ABLIM2: variants seen among roughly 807,000 people sequenced by gnomAD.
The protein encoded by ABLIM2 is actin-binding LIM protein 2.
A neutral mutation model predicts 97.7 loss-of-function variants in ABLIM2; 53 were observed. The observed-to-expected ratio is 0.54, with a 90% CI of 0.44 to 0.68. The LOEUF (loss-of-function observed/expected upper bound fraction) is 0.68. ABLIM2 is among the 30% of genes least tolerant of loss of function. The probability of loss-of-function intolerance (pLI) is 0.00; values close to 1 mark genes in which losing one functional copy is unlikely to be tolerated. For missense variants in ABLIM2, 835 were observed against 867.2 expected, an observed-to-expected ratio of 0.96 and a Z score of 0.47; for synonymous variants, 361 against 345.8, an observed-to-expected ratio of 1.04 and a Z score of -0.49.
chr4:8,000,188 G>A (rs1756131694), intron 16 of ABLIM2, among the ~76,000 whole-genome samples: 1 of 152,130 alleles, frequency 6.6e-6, no homozygotes, highest in Non-Finnish European at 1.5e-5. Flanking sequence ...GTGAATGAGA[G>A]GCCCCTTGGC....
rs1234403313 is a variant in ABLIM2 at position 8,054,306 on chromosome 4, G to C, written c.764-60C>G. On this transcript the variant is annotated intron_variant, in intron 7 of 20. Transcript: ENST00000447017. This position sits in a 1 kb window ranked among gnomAD's most constrained non-coding sequence, Gnocchi z 4.9. ...GTTATTTCCCATGTTGCAGGGGCCT[G>C]TGTGGAAACGCAGAGGAGGGAGCTG... 3 of 1,571,846 alleles carry C rather than the reference G, an allele frequency of 1.9e-6. No individual in the cohort carries two copies. Among genetic ancestry groups the C allele is most frequent in the African/African-American group, 2.7e-5 (2 of 74,008 alleles).
chr4:7,979,004 T>G (rs1735906726), intron 20 of ABLIM2, among the ~76,000 whole-genome samples: 1 of 152,132 alleles, frequency 6.6e-6, no homozygotes, highest in Non-Finnish European at 1.5e-5. Flanking sequence ...ATTCACAGCC[T>G]CACCTGCACA....
At chr4:8,154,882 G>A (rs894199751) in intron 1 of ABLIM2, among the ~76,000 whole-genome samples, 25 of 152,214 alleles carry the variant, frequency 1.6e-4, no homozygotes, top group Admixed American at 6.5e-4. Flanking sequence ...GGGAGGCCTC[G>A]CAATCATGGC....
chr4:8,007,916 C>A, intron 16 of ABLIM2, 143 bp downstream of exon 16: 1 of 1,467,734 alleles, frequency 6.8e-7, no homozygotes. Context: ...TCCTTCCGGT[C>A]GGTCCTTAGA....
At chr4:8,063,351 C>A (rs140774419) in intron 6 of ABLIM2, among the ~76,000 whole-genome samples, 1 of 152,262 alleles carries the variant, frequency 6.6e-6, no homozygotes, top group Admixed American at 6.5e-5. Context: ...AGGCGTGAGC[C>A]ACCGTGTCCA....
At chr4:7,975,200 A>C (rs1159329500) in intron 20 of ABLIM2, among the ~76,000 whole-genome samples, 1 of 152,218 alleles carries the variant, frequency 6.6e-6, no homozygotes, top group Non-Finnish European at 1.5e-5. Flanking sequence ...CCTAGGTGAC[A>C]GAGTGAGACC....
rs1346390172 is a variant in ABLIM2, at chr4:7,992,291, GA to G, written c.1680+574del. On this transcript the variant is annotated intron_variant, in intron 17 of 20. Transcript: ENST00000447017. This position sits in a 1 kb window ranked among gnomAD's most constrained non-coding sequence, Gnocchi z 5.7. Reference sequence around the variant, plus strand: ...TCATATTCAGATGTCCCAAGCATCAGAAAACTCAGGGTAGGAGGTGGCACCA... The same window carrying G: ...TCATATTCAGATGTCCCAAGCATCAGAAACTCAGGGTAGGAGGTGGCACCA... 1.3e-5 allele frequency among the ~76,000 whole-genome samples: 2 copies of G among 152,204 alleles called. No homozygotes were observed. Among genetic ancestry groups the G allele is most frequent in the Admixed American group, 1.3e-4 (2 of 15,284 alleles).
At chr4:8,050,713 C>T (rs1470373786) in intron 8 of ABLIM2, among the ~76,000 whole-genome samples, 1 of 151,222 alleles carries the variant, frequency 6.6e-6, no homozygotes, top group Non-Finnish European at 1.5e-5. Context: ...CTCCCTCCCA[C>T]CCCCAGGCCA....
At chr4:8,060,098 C>T (rs985210446) in intron 7 of ABLIM2, among the ~76,000 whole-genome samples, 4 of 152,106 alleles carry the variant, frequency 2.6e-5, no homozygotes, top group Non-Finnish European at 5.9e-5. Flanking sequence ...CAACTAAGAC[C>T]TATAAAAGGT....
Position 7,995,003 on chromosome 4 carries a change from A to C in ABLIM2, c.1619-2076T>G, listed in dbSNP as rs1752253684. The stretch of plus-strand genomic sequence containing the variant: ...AGAAAAAAACAAACAACCCCATCAA[A>C]AAGTGGGCGAAGGACATGAACAGAC... On this transcript the variant is annotated intron_variant, in intron 16 of 20. Transcript: ENST00000447017. 3.5e-5 allele frequency among the ~76,000 whole-genome samples: 4 copies of C among 113,440 alleles called. 1 individual carries two copies. In the South Asian group the frequency reaches 1.3e-3, roughly 38 times the overall value. 74.4% of individuals were successfully genotyped at this position (113,440 alleles called of 152,430 possible). A position where few individuals can be genotyped will look rare whatever the true frequency, so the allele number is the denominator to read the frequency against.
At position 8,072,366 on chromosome 4, in the gene ABLIM2, G is replaced by C. The variant is rs546594076; in HGVS notation, c.675+5262C>G. ...CCACTTTGCTCGCCCAGTGCGGAGCGTGCCTGAGGCAGAGCAGCCCCAGTT... is the reference window on the plus strand; with the variant it reads ...CCACTTTGCTCGCCCAGTGCGGAGCCTGCCTGAGGCAGAGCAGCCCCAGTT... On this transcript the variant is annotated intron_variant, in intron 6 of 20. Coordinates refer to ENST00000447017, the MANE Select transcript of ABLIM2 (RefSeq NM_001130083.2). The surrounding 1 kb of genome is among the most constrained non-coding windows in gnomAD (Gnocchi z 5.8). Among the ~76,000 whole-genome samples, 1 of 152,308 alleles carries C rather than the reference G, an allele frequency of 6.6e-6. No homozygotes were observed. Among genetic ancestry groups the C allele is most frequent in the Non-Finnish European group, 1.5e-5 (1 of 68,028 alleles).
chr4:7,972,387 C>G (rs1728857528), intron 20 of ABLIM2, among the ~76,000 whole-genome samples: 2 of 152,190 alleles, frequency 1.3e-5, no homozygotes, highest in South Asian at 4.1e-4. Context: ...TCAAGTGTCC[C>G]CTCCTCCTGG....
At chr4:8,048,392 GC>G (rs985488789) in intron 8 of ABLIM2, among the ~76,000 whole-genome samples, 3 of 152,166 alleles carry the variant, frequency 2.0e-5, no homozygotes, top group African/African-American at 7.2e-5. Context: ...GCTTTGCCTG[GC>G]CCCAGGGAGG....
chr4:8,031,495 C>A (rs1780886233), intron 10 of ABLIM2, among the ~76,000 whole-genome samples: 1 of 152,210 alleles, frequency 6.6e-6, no homozygotes, highest in African/African-American at 2.4e-5. Context: ...ACCCAGGTAC[C>A]ATGGCCGTCA....
chr4:8,120,727 G>C lies in ABLIM2; in HGVS notation c.11-14090C>G, dbSNP rs531652009. On this transcript the variant is annotated intron_variant, in intron 1 of 20. Transcript: ENST00000447017. The surrounding 1 kb of genome is among the most constrained non-coding windows in gnomAD (Gnocchi z 5.6). Reference sequence around the variant, plus strand: ...AGTGCAGGTCCGTCCTGATGAACCCGGGGCAAGCTCGTGACATCACTAAGT... The same window carrying C: ...AGTGCAGGTCCGTCCTGATGAACCCCGGGCAAGCTCGTGACATCACTAAGT... Among the ~76,000 whole-genome samples, 35 of 152,264 alleles carry C rather than the reference G, an allele frequency of 2.3e-4. No homozygotes were observed. The South Asian group carries it at 3.3e-3, about 14-fold the overall frequency.
At position 8,071,451 on chromosome 4, in the gene ABLIM2, A is replaced by G. The variant is rs1811966180; in HGVS notation, c.675+6177T>C. On this transcript the variant is annotated intron_variant, in intron 6 of 20. Transcript: ENST00000447017. The surrounding 1 kb of genome is among the most constrained non-coding windows in gnomAD (Gnocchi z 6.2). ...GGGGAAGGAAAACCCCACTGTCACC[A>G]CCAAATGCACATTTCGCGGGCAGGC... Among the ~76,000 whole-genome samples the G allele has an allele frequency of 6.6e-6, 1 of 152,074 alleles. No homozygotes were observed. The highest frequency in any genetic ancestry group is 1.5e-5 in the Non-Finnish European group (1 of 68,016).
In ABLIM2 at chr4:8,132,017, T is replaced by C. The variant is rs1849510727; in HGVS notation, c.11-25380A>G. On this transcript the variant is annotated intron_variant, in intron 1 of 20. Transcript: ENST00000447017. This position sits in a 1 kb window ranked among gnomAD's most constrained non-coding sequence, Gnocchi z 8.0. Reference sequence around the variant, plus strand: ...CCCCTGCACAGCAGCCCGCATCCCCTGCACGGCAGCCTGCATCCCCGAGCA... The same window carrying C: ...CCCCTGCACAGCAGCCCGCATCCCCCGCACGGCAGCCTGCATCCCCGAGCA... Among the ~76,000 whole-genome samples the C allele has an allele frequency of 6.7e-6, 1 of 149,328 alleles. No homozygotes were observed.
At chr4:7,985,013 G>T in intron 17 of ABLIM2, 120 bp from the exon 18 acceptor site, 1 of 1,029,636 alleles carries the variant, frequency 9.7e-7, no homozygotes, top group Non-Finnish European at 1.4e-6. Flanking sequence ...TGGGGAGTAG[G>T]GTGTCCTTAG....
At chr4:8,074,089 C>CAAA (rs869080154) in intron 6 of ABLIM2, among the ~76,000 whole-genome samples, 24 of 45,730 alleles carry the variant, frequency 5.2e-4, no homozygotes, top group East Asian at 8.0e-4. Flanking sequence ...CTCTGTCTCA[C>CAAA]AAAAAAAAAA....
Sources: gnomAD v4.1 joint callset for allele counts (sites outside exome capture counted in the v4.1 genomes callset) on GRCh38, gnomAD v4.1.1 for gene constraint, Gnocchi (gnomAD v3.1) non-coding constraint, MANE v1.5 for transcripts, NCBI Gene and HGNC (gene_info 2026-07-23, HGNC 2026-07-21) for gene names.